Variants in REPS1 observed in about 807,000 individuals in gnomAD.
REPS1 encodes the protein ralBP1-associated Eps domain-containing protein 1.
A neutral mutation model predicts 100.9 loss-of-function variants in REPS1; 39 were observed. That is an observed-to-expected ratio of 0.39 (90% CI 0.30 to 0.50). The LOEUF (loss-of-function observed/expected upper bound fraction) is 0.50, where lower values mean the gene tolerates loss of function less well. Ranked by LOEUF, REPS1 falls within the 20% of genes least tolerant of loss-of-function variation. The probability of loss-of-function intolerance (pLI) is 0.86; values close to 1 mark genes in which losing one functional copy is unlikely to be tolerated. For synonymous variants in REPS1, 324 were observed against 340.3 expected, an observed-to-expected ratio of 0.95 and a Z score of 0.53; for missense variants, 821 against 968.5, an observed-to-expected ratio of 0.85 and a Z score of 2.02.
In REPS1 at chr6:138,911,314, T is replaced by A; in HGVS notation, c.2029A>T (p.Thr677Ser). ...SLRVAKTDSK[T>S]EEKTAASAPA... Reference sequence around the variant, plus strand: ...GCACTAGCAGCTGTCTTTTCTTCAGTTTTACTATCTGTTTTGGCAACTCGA... The same window carrying A: ...GCACTAGCAGCTGTCTTTTCTTCAGATTTACTATCTGTTTTGGCAACTCGA... Residue 677 changes from threonine to serine, a missense_variant, in exon 17 of 20, where the codon ACT (threonine) becomes TCT (serine). By Grantham distance (58) the Thr-to-Ser change is moderately conservative. Transcript: ENST00000450536. 1.2e-5 allele frequency: 20 copies of A among 1,613,722 alleles called. No individual in the cohort carries two copies. Among genetic ancestry groups the A allele is most frequent in the Non-Finnish European group, 1.7e-5 (20 of 1,179,692 alleles).
intron 1 of REPS1, among the ~76,000 whole-genome samples, chr6:138,948,117 C>A (rs1195330969): frequency 6.6e-6 from 1 of 152,142 alleles, no homozygotes; most frequent in Non-Finnish European, 1.5e-5. Flanking sequence ...GGTCATCATT[C>A]TCCTATTTAT....
chr6:138,943,431 ATTTT>A, intron 7 of REPS1, 78 bp downstream of exon 7: 2 of 814,902 alleles, frequency 2.5e-6, no homozygotes, highest in Non-Finnish European at 4.0e-6. Context: ...TTAGTTGTTT[ATTTT>A]TTAAGGCTCT....
intron 10 of REPS1, among the ~76,000 whole-genome samples, chr6:138,924,230 A>G (rs764828403): frequency 1.3e-5 from 2 of 152,214 alleles, no homozygotes; most frequent in African/African-American, 2.4e-5. Context: ...GATTATAAAC[A>G]TAAATATTTA....
intron 10 of REPS1, among the ~76,000 whole-genome samples, chr6:138,925,537 T>C (rs1057063738): frequency 6.6e-6 from 1 of 152,180 alleles, no homozygotes; most frequent in Non-Finnish European, 1.5e-5. Context: ...GAACGACTTA[T>C]GTCATTTTCT....
Position 138,987,990 on chromosome 6 carries a change from G to A in REPS1, c.-308C>T, listed in dbSNP as rs1186369030. The A allele has an allele frequency of 7.6e-6, 3 of 393,038 alleles. No individual in the cohort carries two copies. The highest frequency in any genetic ancestry group is 4.5e-6 in the Non-Finnish European group (1 of 222,714). The allele number at this position is 393,038 out of a possible 1,614,324, so 24.3% of individuals were successfully genotyped here. ...GGGAGGGTGCAGAGAAAGAGGCGGG[G>A]GCCGCGGAGGCGCGAGGCACTGGCG... On this transcript the variant is annotated 5_prime_UTR_variant, in exon 1 of 20. Transcript: ENST00000450536.
intron 7 of REPS1, among the ~76,000 whole-genome samples, chr6:138,941,802 C>T (rs1407111197): frequency 6.6e-6 from 1 of 152,192 alleles, no homozygotes; most frequent in Non-Finnish European, 1.5e-5. Flanking sequence ...TTTTAGAAGG[C>T]ATACGTAATA....
intron 12 of REPS1, among the ~76,000 whole-genome samples, chr6:138,918,312 A>G (rs1780540358): frequency 6.6e-6 from 1 of 152,184 alleles, no homozygotes; most frequent in Non-Finnish European, 1.5e-5. Context: ...TATTTAAAGT[A>G]TACAGGAGGA....
At chr6:138,971,642 G>A (rs1364306927) in intron 1 of REPS1, among the ~76,000 whole-genome samples, 1 of 152,138 alleles carries the variant, frequency 6.6e-6, no homozygotes, top group Non-Finnish European at 1.5e-5. Context: ...GGAGGGAGGG[G>A]AAAGCAGCAA....
intron 1 of REPS1, among the ~76,000 whole-genome samples, chr6:138,984,146 C>T (rs1005063069): frequency 6.8e-6 from 1 of 147,684 alleles, no homozygotes; most frequent in Admixed American, 6.9e-5. Flanking sequence ...GTGGCGCGAT[C>T]TTGGCTCACT....
chr6:138,930,788 G>A (rs971310385), intron 8 of REPS1, among the ~76,000 whole-genome samples: 1 of 152,108 alleles, frequency 6.6e-6, no homozygotes, highest in Non-Finnish European at 1.5e-5. Flanking sequence ...CGGGAAAAAA[G>A]CAAAGTCAAT....
chr6:138,904,541 C>T lies in REPS1; in HGVS notation c.*523G>A, dbSNP rs1779516538. On this transcript the variant is annotated 3_prime_UTR_variant, in exon 20 of 20. Transcript: ENST00000450536. ...GACATGTAAAAGAGGCTTCAATGTA[C>T]CACATGATTTGTGAAGAATGTAGAC... 1 of 152,162 alleles carries T rather than the reference C, an allele frequency of 6.6e-6. No individual in the cohort carries two copies. The highest frequency in any genetic ancestry group is 1.5e-5 in the Non-Finnish European group (1 of 68,028). 9.4% of individuals were successfully genotyped at this position (152,162 alleles called of 1,614,324 possible). A position where few individuals can be genotyped will look rare whatever the true frequency, so the allele number is the denominator to read the frequency against.
chr6:138,982,848 G>T (rs1349286992), intron 1 of REPS1, among the ~76,000 whole-genome samples: 1 of 152,180 alleles, frequency 6.6e-6, no homozygotes, highest in African/African-American at 2.4e-5. Context: ...TGGTAATAAA[G>T]AAAAATTGTA....
At chr6:138,918,074 CGTGT>C (rs899570021) in intron 12 of REPS1, among the ~76,000 whole-genome samples, 8 of 148,332 alleles carry the variant, frequency 5.4e-5, no homozygotes, top group East Asian at 2.0e-4. Context: ...AGTTTGCATG[CGTGT>C]GTGTGTGTGT....
In REPS1 at chr6:138,918,807, T is replaced by C. The variant is rs373148293; in HGVS notation, c.1529-1180A>G. Among the ~76,000 whole-genome samples the C allele has an allele frequency of 1.3e-4, 20 of 152,192 alleles. No homozygotes were observed. In the South Asian group the frequency reaches 1.7e-3, roughly 13 times the overall value. On this transcript the variant is annotated intron_variant, in intron 12 of 19. Transcript: ENST00000450536. The stretch of plus-strand genomic sequence containing the variant: ...TATTTTCAATTTCCTCAAAGTCTCA[T>C]GAAGCACAAGAGAATCCCAGAAATA...
intron 1 of REPS1, among the ~76,000 whole-genome samples, chr6:138,952,380 A>T (rs1783092163): frequency 6.6e-6 from 1 of 151,972 alleles, no homozygotes; most frequent in South Asian, 2.1e-4. Context: ...AATATACAAA[A>T]ATCAGTAGCA....
intron 10 of REPS1, among the ~76,000 whole-genome samples, chr6:138,925,237 G>A (rs1781028749): frequency 6.6e-6 from 1 of 151,726 alleles, no homozygotes; most frequent in Admixed American, 6.6e-5. Flanking sequence ...CATGGTGGCG[G>A]ACACCTGTAG....
chr6:138,936,628 G>GGA (rs79875634), intron 8 of REPS1, among the ~76,000 whole-genome samples: 19,229 of 134,780 alleles, frequency 0.14, 1,565 homozygotes, highest in Non-Finnish European at 0.16. Flanking sequence ...TGTTTGGGGG[G>GGA]GGGTAGAGGT....
At chr6:138,927,398 ACATTAAAATTG>A (rs1781205754) in intron 9 of REPS1, 1 of 152,214 alleles carries the variant, frequency 6.6e-6, no homozygotes, top group Non-Finnish European at 1.5e-5. Context: ...TAGAATTTTT[ACATTAAAATTG>A]CATTAAAATT....
intron 1 of REPS1, among the ~76,000 whole-genome samples, chr6:138,959,432 C>A (rs937458048): frequency 4.0e-5 from 6 of 151,376 alleles, no homozygotes; most frequent in African/African-American, 1.2e-4. Flanking sequence ...CTGAGATAAG[C>A]TGCCAATATC....
Sources: gnomAD v4.1 joint callset for allele counts (sites outside exome capture counted in the v4.1 genomes callset) on GRCh38, gnomAD v4.1.1 for gene constraint, MANE v1.5 for transcripts, NCBI Gene and HGNC (gene_info 2026-07-23, HGNC 2026-07-21) for gene names.